The following C12orf43 variants were observed in gnomAD, a reference collection of about 807,000 sequenced individuals.
C12orf43 encodes the protein chromosome 12 open reading frame 43.
C12orf43 carries 15 observed loss-of-function variants against 20.6 expected under a neutral mutation model. The ratio of observed to expected loss-of-function variants is 0.73; its 90% CI spans 0.49 to 1.12. C12orf43 has a LOEUF of 1.12. Among genes scored for constraint, C12orf43 ranks in the 50% most tolerant of loss-of-function variants. The pLI is 0.00. For missense variants in C12orf43, 334 were observed against 344.4 expected (o/e 0.97, Z 0.24); for synonymous variants, 144 against 130.8 (o/e 1.10, Z -0.69).
At chr12:121,008,205 G>A (rs1878166750) in intron 3 of C12orf43, among the ~76,000 whole-genome samples, 1 of 151,840 alleles carries the variant, frequency 6.6e-6, no homozygotes, top group South Asian at 2.1e-4. Flanking sequence ...CACGATCTCA[G>A]CTCACTGCAA....
chr12:121,000,967 G>A lies in C12orf43; in HGVS notation c.*3186C>T, dbSNP rs1272774651. 6.6e-7 allele frequency: 1 copy of A among 1,521,702 alleles called. No individual in the cohort carries two copies. The highest frequency in any genetic ancestry group is 9.0e-7 in the Non-Finnish European group (1 of 1,108,294). The allele number at this position is 1,521,702 out of a possible 1,614,324, so 94.3% of individuals were successfully genotyped here. The stretch of plus-strand genomic sequence containing the variant: ...TGTTATCTGCTGTGATCCAGGAGGT[G>A]TGGCCCTGCCTCCCCATCCTGAGTA... On this transcript the variant is annotated 3_prime_UTR_variant, in exon 6 of 6. Transcript: ENST00000288757.
In C12orf43 at chr12:121,000,962, G is replaced by A; in HGVS notation, c.*3191C>T. ...GTTCCTGTTATCTGCTGTGATCCAG[G>A]AGGTGTGGCCCTGCCTCCCCATCCT... On this transcript the variant is annotated 3_prime_UTR_variant, in exon 6 of 6. Coordinates refer to ENST00000288757, the MANE Select transcript of C12orf43 (RefSeq NM_022895.3). The A allele has an allele frequency of 1.3e-6, 2 of 1,483,596 alleles. No individual in the cohort carries two copies. The highest frequency in any genetic ancestry group is 1.9e-6 in the Non-Finnish European group (2 of 1,074,298). The allele number at this position is 1,483,596 out of a possible 1,614,324, so 91.9% of individuals were successfully genotyped here. A position where few individuals can be genotyped will look rare whatever the true frequency, so the allele number is the denominator to read the frequency against.
At chr12:121,006,751 C>T in intron 3 of C12orf43, 3 of 209,360 alleles carry the variant, frequency 1.4e-5, no homozygotes, top group Non-Finnish European at 2.9e-5. Context: ...TTCTGGCTAA[C>T]ACGGTGAAAC....
At chr12:121,011,259 A>G (rs530219418) in intron 1 of C12orf43, 113 bp from the exon 2 acceptor site, 11 of 737,500 alleles carry the variant, frequency 1.5e-5, no homozygotes, top group East Asian at 5.3e-5. Flanking sequence ...ATATATATAC[A>G]TACACATGTA....
At chr12:121,012,070 G>A (rs1868418371) in intron 1 of C12orf43, among the ~76,000 whole-genome samples, 1 of 152,036 alleles carries the variant, frequency 6.6e-6, no homozygotes, top group South Asian at 2.1e-4. Context: ...CGAGAGAGGT[G>A]GGGAGTGTTG....
Position 121,001,373 on chromosome 12 carries a change from G to C in C12orf43, c.*2780C>G, listed in dbSNP as rs960126133. 83 of 738,112 alleles carry C rather than the reference G, an allele frequency of 1.1e-4. 1 individual carries two copies. The Middle Eastern group carries it at 1.4e-3, about 12-fold the overall frequency. The allele number at this position is 738,112 out of a possible 1,614,324, so 45.7% of individuals were successfully genotyped here. On this transcript the variant is annotated 3_prime_UTR_variant, in exon 6 of 6. Transcript: ENST00000288757. ...GGAGGGCTCTGAGGCGCCCCAACCC[G>C]TGGAGGCTGCTCGGGGTGCACAGGA... is the stretch of plus-strand genomic sequence containing the variant.
intron 3 of C12orf43, among the ~76,000 whole-genome samples, chr12:121,008,301 A>T (rs1436851922): frequency 6.6e-6 from 1 of 151,942 alleles, no homozygotes; most frequent in African/African-American, 2.4e-5. Flanking sequence ...TGCCCAGCTA[A>T]TTTTTGCATT....
At position 121,006,391 on chromosome 12, in the gene C12orf43, G is replaced by A. The variant is rs1404602375; in HGVS notation, c.291C>T (p.Phe97=). 2 of 1,613,852 alleles carry A rather than the reference G, an allele frequency of 1.2e-6. No homozygotes were observed. Among genetic ancestry groups the A allele is most frequent in the African/African-American group, 2.7e-5 (2 of 74,918 alleles). The change falls in exon 4 of 6, where the codon TTC becomes TTT. Residue 97 remains phenylalanine (F), a synonymous_variant. Transcript: ENST00000288757. ...AKKLGALLDS[F]ITISEAAKEP... ...CCTTTGCTGCTTCTGAGATGGTAAT[G>A]AAGCTACAGGGAGACGAGACGGTTG...
At position 121,004,094 on chromosome 12, in the gene C12orf43, C is replaced by T. The variant is rs769349056; in HGVS notation, c.*59G>A. 1.3e-6 allele frequency: 2 copies of T among 1,575,644 alleles called. No individual in the cohort carries two copies. Among genetic ancestry groups the T allele is most frequent in the African/African-American group, 1.3e-5 (1 of 74,110 alleles). ...GTGGGGCTTGGAAATGCCTTGTCCCCAGGGTGGGGGGGACACCTTGTCCTT... is the reference window on the plus strand; with the variant it reads ...GTGGGGCTTGGAAATGCCTTGTCCCTAGGGTGGGGGGGACACCTTGTCCTT... On this transcript the variant is annotated 3_prime_UTR_variant, in exon 6 of 6. Coordinates refer to ENST00000288757, the MANE Select transcript of C12orf43 (RefSeq NM_022895.3). The surrounding 1 kb of genome is among the most constrained non-coding windows in gnomAD (Gnocchi z 5.6).
At chr12:121,014,249 T>G (rs1007787674) in intron 1 of C12orf43, among the ~76,000 whole-genome samples, 4 of 151,972 alleles carry the variant, frequency 2.6e-5, no homozygotes, top group Non-Finnish European at 5.9e-5. Context: ...GGAGAATTGC[T>G]TGAGCTTGGG....
In C12orf43 at chr12:121,004,102, G is replaced by T. The variant is rs1260522978; in HGVS notation, c.*51C>A. On this transcript the variant is annotated 3_prime_UTR_variant, in exon 6 of 6. Transcript: ENST00000288757. The surrounding 1 kb of genome is among the most constrained non-coding windows in gnomAD (Gnocchi z 5.6). ...TGGAAATGCCTTGTCCCCAGGGTGG[G>T]GGGGACACCTTGTCCTTGGAGCTGG... The T allele has an allele frequency of 6.4e-7, 1 of 1,573,674 alleles. No homozygotes were observed. The highest frequency in any genetic ancestry group is 2.2e-5 in the East Asian group (1 of 44,668).
chr12:121,004,352 GCTTT>G lies in C12orf43; in HGVS notation c.586_589del (p.Lys196ProfsTer114), dbSNP rs1481695130. On this transcript the variant is annotated frameshift_variant, in exon 6 of 6. Transcript: ENST00000288757. LOFTEE classifies it low-confidence loss of function (END_TRUNC). The surrounding 1 kb of genome is among the most constrained non-coding windows in gnomAD (Gnocchi z 5.6). ...CGAGTCGACACTGGCCACCTTCTTGGCTTTCTTTTTCAACTTCCTTTTCTTCTTT... is the reference window on the plus strand; with the variant it reads ...CGAGTCGACACTGGCCACCTTCTTGGCTTTTTCAACTTCCTTTTCTTCTTT... The G allele has an allele frequency of 2.1e-5, 34 of 1,614,066 alleles. No homozygotes were observed. The highest frequency in any genetic ancestry group is 2.8e-5 in the Non-Finnish European group (33 of 1,180,050).
chr12:121,016,330 C>T lies in C12orf43; in HGVS notation c.145G>A (p.Gly49Ser), dbSNP rs151107641. ...AGTCTCCCCAAACATAGTACCCTAC[C>T]GGCTCTTGGCTTCCCTGCCACGTGC... ...RPHVAGKPRA[G>S]AANSQLSTSQ... Residue 49 changes from glycine to serine, a missense_variant and splice_region_variant, in exon 1 of 6, where the codon GGT becomes AGT. Gly to Ser is a moderately conservative substitution (Grantham distance 56). Transcript: ENST00000288757. The T allele has an allele frequency of 3.7e-5, 59 of 1,613,690 alleles. No homozygotes were observed. Among genetic ancestry groups the T allele is most frequent in the Non-Finnish European group, 4.9e-5 (58 of 1,180,032 alleles).
At position 121,001,390 on chromosome 12, in the gene C12orf43, T is replaced by G. The variant is rs1592901155; in HGVS notation, c.*2763A>C. The stretch of plus-strand genomic sequence containing the variant: ...CCCAACCCGTGGAGGCTGCTCGGGG[T>G]GCACAGGAGGGGGTCGTGGAGAGCT... On this transcript the variant is annotated 3_prime_UTR_variant, in exon 6 of 6. Transcript: ENST00000288757. 1 of 635,990 alleles carries G rather than the reference T, an allele frequency of 1.6e-6. No homozygotes were observed. 39.4% of individuals were successfully genotyped at this position (635,990 alleles called of 1,614,324 possible). A position where few individuals can be genotyped will look rare whatever the true frequency, so the allele number is the denominator to read the frequency against.
intron 1 of C12orf43, among the ~76,000 whole-genome samples, chr12:121,014,275 G>A (rs899373302): frequency 2.7e-5 from 4 of 150,538 alleles, no homozygotes; most frequent in Non-Finnish European, 5.9e-5. Context: ...GAGGTTGCAG[G>A]GAGCCAAGAT....
chr12:121,007,474 A>G (rs1878110400), intron 3 of C12orf43, among the ~76,000 whole-genome samples: 1 of 152,152 alleles, frequency 6.6e-6, no homozygotes, highest in Non-Finnish European at 1.5e-5. Context: ...GAAGGTCCCT[A>G]CCTCTTAAGG....
intron 1 of C12orf43, among the ~76,000 whole-genome samples, chr12:121,013,877 T>C (rs909339196): frequency 1.3e-5 from 2 of 152,218 alleles, no homozygotes; most frequent in Non-Finnish European, 2.9e-5. Context: ...GCCAAGTTAT[T>C]TTACCATTAT....
In C12orf43 at chr12:121,004,256, T is replaced by TC. The variant is rs1877785951; in HGVS notation, c.685dup (p.Asp229GlyfsTer80). On this transcript the variant is annotated frameshift_variant, in exon 6 of 6. Transcript: ENST00000288757. LOFTEE classifies it low-confidence loss of function (END_TRUNC). This position sits in a 1 kb window ranked among gnomAD's most constrained non-coding sequence, Gnocchi z 5.6. ...CTTTTTGGTCCCAAGCGACACCTGG[T>TC]CCCCGTTGAGCTCACCTGACTTCTG... is the stretch of plus-strand genomic sequence containing the variant. The TC allele has an allele frequency of 6.2e-7, 1 of 1,614,094 alleles. No homozygotes were observed. Among genetic ancestry groups the TC allele is most frequent in the Non-Finnish European group, 8.5e-7 (1 of 1,180,040 alleles).
chr12:121,011,573 G>A (rs1878476647), intron 1 of C12orf43, among the ~76,000 whole-genome samples: 1 of 151,950 alleles, frequency 6.6e-6, no homozygotes, highest in Non-Finnish European at 1.5e-5. Context: ...CAACCCGATT[G>A]GAGGGATTAC....
Sources: gnomAD v4.1 joint callset for allele counts (sites outside exome capture counted in the v4.1 genomes callset) on GRCh38, gnomAD v4.1.1 for gene constraint, Gnocchi (gnomAD v3.1) non-coding constraint, MANE v1.5 for transcripts, NCBI Gene and HGNC (gene_info 2026-07-23, HGNC 2026-07-21) for gene names.